EBF1: variants seen among roughly 807,000 people sequenced by gnomAD.
The protein encoded by EBF1 is EBF transcription factor 1, also known as transcription factor COE1.
EBF1 carries 10 observed loss-of-function variants against 68.4 expected under a neutral mutation model. That is an observed-to-expected ratio of 0.15 (90% confidence interval 0.09 to 0.25). The LOEUF (loss-of-function observed/expected upper bound fraction) is 0.25, where lower values mean the gene tolerates loss of function less well. Ranked by LOEUF, EBF1 falls within the 10% of genes least tolerant of loss-of-function variation. EBF1 has a pLI of 1.00. For synonymous variants in EBF1, 298 were observed against 299.8 expected, an observed-to-expected ratio of 0.99 and a Z score of 0.06; for missense variants, 509 against 794.4, an observed-to-expected ratio of 0.64 and a Z score of 4.32.
rs1214884060 is a variant in EBF1, at chr5:159,027,369, T to TCTTCCAG, written c.554+46020_554+46026dup. ...TCCAAGTTACTAATACAATGTCGCTTCTTCCAGGAGCCTTCTCAGACCACT... is the reference window on the plus strand; with the variant it reads ...TCCAAGTTACTAATACAATGTCGCTTCTTCCAGCTTCCAGGAGCCTTCTCAGACCACT... On this transcript the variant is annotated intron_variant, in intron 6 of 15. Transcript: ENST00000313708. 2.6e-5 allele frequency among the ~76,000 whole-genome samples: 4 copies of TCTTCCAG among 152,184 alleles called. No individual in the cohort carries two copies. In the East Asian group the frequency reaches 7.7e-4, roughly 29 times the overall value.
intron 6 of EBF1, among the ~76,000 whole-genome samples, chr5:158,939,738 G>A (rs536393477): frequency 6.9e-6 from 1 of 145,642 alleles, no homozygotes; most frequent in South Asian, 2.2e-4. Flanking sequence ...AGGATTAACC[G>A]TGTCTGCTTT....
intron 10 of EBF1, among the ~76,000 whole-genome samples, chr5:158,774,874 T>A (rs1774763260): frequency 6.6e-6 from 1 of 151,924 alleles, no homozygotes; most frequent in African/African-American, 2.4e-5. Flanking sequence ...GATGTCACAA[T>A]AACTGTTAAC....
chr5:158,711,259 ATTTT>A (rs972728139), intron 14 of EBF1, among the ~76,000 whole-genome samples: 1 of 151,458 alleles, frequency 6.6e-6, no homozygotes, highest in African/African-American at 2.4e-5. Flanking sequence ...GGAATGTCTT[ATTTT>A]TTTTTATTCC....
In EBF1 at chr5:158,731,079, C is replaced by T. The variant is rs200547458; in HGVS notation, c.1115G>A (p.Arg372His). 1.4e-5 allele frequency: 23 copies of T among 1,613,850 alleles called. No individual in the cohort carries two copies. Among genetic ancestry groups the T allele is most frequent in the Admixed American group, 1.3e-4 (8 of 59,974 alleles). The change falls in exon 11 of 16, where the codon CGT becomes CAT. Residue 372 changes from arginine to histidine, a missense_variant. This residue lies in a region of EBF1 where 230 missense variants were observed against 467.7 expected (regional missense o/e 0.49). Transcript: ENST00000313708. ...VIPRHPGDPE[R>H]LPKEVILKRA... ...AGGCAGTATCCTCACCTTTGGCAAA[C>T]GCTCAGGGTCACCAGGGTGCCGAGG...
At chr5:158,790,373 A>G (rs1255798162) in intron 9 of EBF1, among the ~76,000 whole-genome samples, 2 of 152,176 alleles carry the variant, frequency 1.3e-5, no homozygotes, top group African/African-American at 4.8e-5. Flanking sequence ...AATATTTAAG[A>G]TGGTTTTCTC....
At chr5:158,814,521 A>T (rs919455964) in intron 8 of EBF1, among the ~76,000 whole-genome samples, 5 of 152,192 alleles carry the variant, frequency 3.3e-5, no homozygotes, top group African/African-American at 1.2e-4. Flanking sequence ...CAAATACTGG[A>T]AATTTCCCAC....
chr5:158,855,516 C>A (rs551357858), intron 6 of EBF1, among the ~76,000 whole-genome samples: 2 of 152,312 alleles, frequency 1.3e-5, no homozygotes, highest in Admixed American at 6.5e-5. Context: ...CTCTTCCCCA[C>A]CCTGGGTCCT....
intron 11 of EBF1, among the ~76,000 whole-genome samples, chr5:158,722,860 G>A (rs947196894): frequency 6.6e-6 from 1 of 152,154 alleles, no homozygotes; most frequent in Non-Finnish European, 1.5e-5. Flanking sequence ...ATTCCTAAGG[G>A]CTTCAGTCTT....
chr5:159,016,170 T>C (rs1207021858), intron 6 of EBF1, among the ~76,000 whole-genome samples: 2 of 152,236 alleles, frequency 1.3e-5, no homozygotes, highest in African/African-American at 4.8e-5. Flanking sequence ...AAAGAGGTGA[T>C]GTCTGTACAA....
At chr5:158,854,778 T>C (rs1430330864) in intron 6 of EBF1, among the ~76,000 whole-genome samples, 1 of 152,180 alleles carries the variant, frequency 6.6e-6, no homozygotes, top group African/African-American at 2.4e-5. Context: ...TTTTTTCCCT[T>C]CCTACATTTA....
At chr5:158,745,530 A>T (rs1393442822) in intron 10 of EBF1, among the ~76,000 whole-genome samples, 1 of 152,166 alleles carries the variant, frequency 6.6e-6, no homozygotes, top group Non-Finnish European at 1.5e-5. Flanking sequence ...TCCATGTAAA[A>T]GCATTTTAGT....
chr5:158,871,394 T>C (rs764080502), intron 6 of EBF1, among the ~76,000 whole-genome samples: 1 of 152,158 alleles, frequency 6.6e-6, no homozygotes, highest in Admixed American at 6.5e-5. Context: ...TGGGCTCCCT[T>C]GGAAAAAAAT....
chr5:158,714,347 G>A (rs1489133869), intron 11 of EBF1, among the ~76,000 whole-genome samples, 165 bp from the exon 12 acceptor site: 1 of 152,192 alleles, frequency 6.6e-6, no homozygotes, highest in Non-Finnish European at 1.5e-5. Flanking sequence ...ATTTATCCCT[G>A]TTCACATACA....
intron 15 of EBF1, among the ~76,000 whole-genome samples, chr5:158,706,191 CTTTTTT>C (rs201025630): frequency 2.9e-5 from 4 of 137,926 alleles, no homozygotes; most frequent in African/African-American, 1.1e-4. Flanking sequence ...CACAGGCACG[CTTTTTT>C]TTTTTTTTTC....
chr5:159,092,468 T>C (rs1179397403), intron 4 of EBF1, among the ~76,000 whole-genome samples: 1 of 152,158 alleles, frequency 6.6e-6, no homozygotes, highest in Admixed American at 6.5e-5. Flanking sequence ...GTCCAAAAAT[T>C]AAGAGTCATT....
rs1027655956 is a variant in EBF1 at position 159,030,939 on chromosome 5, G to A, written c.554+42457C>T. On this transcript the variant is annotated intron_variant, in intron 6 of 15. Coordinates refer to ENST00000313708, the MANE Select transcript of EBF1 (RefSeq NM_024007.5). Reference sequence around the variant, plus strand: ...TATAATCCCAGCACTTTCGGAGCTCGAGGCAGGCGGATTACCTGAGGTTGG... The same window carrying A: ...TATAATCCCAGCACTTTCGGAGCTCAAGGCAGGCGGATTACCTGAGGTTGG... Among the ~76,000 whole-genome samples the A allele has an allele frequency of 2.6e-5, 4 of 152,098 alleles. No homozygotes were observed. In the East Asian group the frequency reaches 5.8e-4, roughly 22 times the overall value.
At chr5:159,074,525 C>T (rs374792598) in intron 5 of EBF1, among the ~76,000 whole-genome samples, 38 of 152,294 alleles carry the variant, frequency 2.5e-4, no homozygotes, top group East Asian at 3.9e-4. Context: ...CACACATACG[C>T]GCACACTTAC....
intron 6 of EBF1, among the ~76,000 whole-genome samples, chr5:158,897,029 T>C (rs1802314231): frequency 6.6e-6 from 1 of 152,164 alleles, no homozygotes; most frequent in South Asian, 2.1e-4. Context: ...CAGTTCATAT[T>C]TGTTAAGGGT....
chr5:158,833,221 G>A (rs113856783), intron 7 of EBF1, among the ~76,000 whole-genome samples: 1,927 of 150,320 alleles, frequency 0.013, 53 homozygotes, highest in African/African-American at 0.045. Context: ...CAGGAGAATC[G>A]CTTGAACCCA....
Sources: allele counts gnomAD v4.1 joint callset (sites outside exome capture counted in the v4.1 genomes callset), GRCh38; gene constraint gnomAD v4.1.1; regional missense constraint gnomAD v4.1.1; transcripts MANE v1.5; gene names NCBI Gene and HGNC (gene_info 2026-07-23, HGNC 2026-07-21).